The following FAM53B variants were observed in gnomAD, a reference collection of about 807,000 sequenced individuals.
The protein encoded by FAM53B is protein FAM53B.
A neutral mutation model predicts 32.7 loss-of-function variants in FAM53B; 12 were observed. The observed-to-expected ratio is 0.37, with a 90% CI of 0.24 to 0.59. FAM53B has a LOEUF of 0.59. Ranked by LOEUF, FAM53B falls within the 20% of genes least tolerant of loss-of-function variation. The pLI is 0.72. For synonymous variants in FAM53B, 234 were observed against 228.7 expected (o/e 1.02, Z -0.21); for missense variants, 477 against 577.7 (o/e 0.83, Z 1.79).
intron 4 of FAM53B, among the ~76,000 whole-genome samples, chr10:124,636,590 G>A (rs1221920279): frequency 1.3e-4 from 18 of 134,304 alleles, no homozygotes; most frequent in African/African-American, 4.6e-4. Flanking sequence ...CCCCCTGCCC[G>A]CCCACCCTGG....
chr10:124,690,351 G>C (rs1330175393), intron 3 of FAM53B, among the ~76,000 whole-genome samples: 2 of 152,194 alleles, frequency 1.3e-5, no homozygotes, highest in African/African-American at 4.8e-5. Flanking sequence ...CTCCCCCATG[G>C]ACACACATCC....
chr10:124,637,830 G>A (rs951188411), intron 4 of FAM53B, among the ~76,000 whole-genome samples: 3 of 152,158 alleles, frequency 2.0e-5, no homozygotes, highest in African/African-American at 7.2e-5. Context: ...GACTCTTCCT[G>A]CCATTGCATA....
chr10:124,648,361 A>G (rs1375418294), intron 4 of FAM53B, among the ~76,000 whole-genome samples: 1 of 152,236 alleles, frequency 6.6e-6, no homozygotes, highest in African/African-American at 2.4e-5. Flanking sequence ...ACGAGCCTGC[A>G]GTCTCCATGG....
At chr10:124,649,740 C>T (rs949155408) in intron 4 of FAM53B, among the ~76,000 whole-genome samples, 2 of 152,210 alleles carry the variant, frequency 1.3e-5, no homozygotes, top group African/African-American at 4.8e-5. Context: ...CTCCCTCACA[C>T]ACTGGGAAGT....
intron 3 of FAM53B, among the ~76,000 whole-genome samples, chr10:124,685,196 C>A (rs1449771149): frequency 6.6e-6 from 1 of 152,142 alleles, no homozygotes; most frequent in Non-Finnish European, 1.5e-5. Context: ...AGAAATAAAC[C>A]GAAATGTTAA....
At chr10:124,634,164 A>G (rs1013443505) in intron 4 of FAM53B, among the ~76,000 whole-genome samples, 3 of 152,260 alleles carry the variant, frequency 2.0e-5, no homozygotes, top group Non-Finnish European at 4.4e-5. Context: ...ATGTCTATCA[A>G]CTGGTGAATG....
chr10:124,728,894 C>A (rs1950123935), intron 1 of FAM53B, among the ~76,000 whole-genome samples: 1 of 152,192 alleles, frequency 6.6e-6, no homozygotes, highest in Admixed American at 6.5e-5. Context: ...GGGGACAAAA[C>A]TAGGTGGTGA....
Position 124,620,360 on chromosome 10 carries a change from C to CCA in FAM53B, c.*2881_*2882insTG, listed in dbSNP as rs1044912093. The CCA allele has an allele frequency of 2.1e-5, 3 of 143,940 alleles. No individual in the cohort carries two copies. The highest frequency in any genetic ancestry group is 7.7e-5 in the African/African-American group (3 of 38,964). The allele number at this position is 143,940 out of a possible 1,614,324, so 8.9% of individuals were successfully genotyped here. A position where few individuals can be genotyped will look rare whatever the true frequency, so the allele number is the denominator to read the frequency against. The stretch of plus-strand genomic sequence containing the variant: ...TGGGGTGCATGTGGCACTAAGCCCC[C>CCA]CCCACCGCCCCGGCTTTCCTGCAGG... On this transcript the variant is annotated 3_prime_UTR_variant, in exon 5 of 5. Transcript: ENST00000337318.
intron 4 of FAM53B, among the ~76,000 whole-genome samples, chr10:124,627,428 A>G (rs115908208): frequency 3.7e-4 from 56 of 152,374 alleles, no homozygotes; most frequent in African/African-American, 1.3e-3. Context: ...CAAAATGGCT[A>G]AGTTCAAAGT....
At chr10:124,668,894 T>C (rs1241270652) in intron 4 of FAM53B, among the ~76,000 whole-genome samples, 1 of 152,240 alleles carries the variant, frequency 6.6e-6, no homozygotes, top group Non-Finnish European at 1.5e-5. Context: ...AATGCCAGGT[T>C]TTCCTGCCAC....
intron 4 of FAM53B, among the ~76,000 whole-genome samples, chr10:124,626,378 C>T (rs1056602331): frequency 4.9e-5 from 5 of 102,476 alleles, no homozygotes; most frequent in African/African-American, 1.3e-4. Flanking sequence ...GTGCTACGGT[C>T]GAAATTTGTG....
intron 3 of FAM53B, among the ~76,000 whole-genome samples, chr10:124,689,417 C>T (rs1315854436): frequency 6.6e-6 from 1 of 152,176 alleles, no homozygotes; most frequent in African/African-American, 2.4e-5. Context: ...GTGTCAGGAA[C>T]AAAAAGTCCT....
chr10:124,645,206 T>C (rs2134047053), intron 4 of FAM53B, among the ~76,000 whole-genome samples: 1 of 152,340 alleles, frequency 6.6e-6, no homozygotes, highest in Non-Finnish European at 1.5e-5. Flanking sequence ...GAGTGGGCCC[T>C]GCCATCACCG....
In FAM53B at chr10:124,651,398, G is replaced by C. The variant is rs1949554687; in HGVS notation, c.907-27794C>G. ...CATCCTCCTGAGCCTGCTCTGCTCTGTCCTCCCAGCTACACAGGACAGGCA... is the reference window on the plus strand; with the variant it reads ...CATCCTCCTGAGCCTGCTCTGCTCTCTCCTCCCAGCTACACAGGACAGGCA... On this transcript the variant is annotated intron_variant, in intron 4 of 4. Coordinates refer to ENST00000337318, the MANE Select transcript of FAM53B (RefSeq NM_014661.4). The surrounding 1 kb of genome is among the most constrained non-coding windows in gnomAD (Gnocchi z 5.2). Among the ~76,000 whole-genome samples the C allele has an allele frequency of 1.3e-5, 2 of 152,214 alleles. No homozygotes were observed. Among genetic ancestry groups the C allele is most frequent in the African/African-American group, 4.8e-5 (2 of 41,444 alleles).
rs561172074 is a variant in FAM53B at position 124,730,017 on chromosome 10, T to C, written c.-175+13996A>G. Among the ~76,000 whole-genome samples the C allele has an allele frequency of 5.3e-5, 8 of 152,346 alleles. No homozygotes were observed. The South Asian group carries it at 1.4e-3, about 28-fold the overall frequency. ...CAACACACGGCATCAGTGTTGGCAG[T>C]GGACAGCATTTTAAGGAGTAAGTCA... On this transcript the variant is annotated intron_variant, in intron 1 of 4. Transcript: ENST00000337318.
At chr10:124,689,976 G>A (rs897331845) in intron 3 of FAM53B, among the ~76,000 whole-genome samples, 1 of 152,192 alleles carries the variant, frequency 6.6e-6, no homozygotes, top group Admixed American at 6.5e-5. Context: ...ATTTGCACTG[G>A]CAACAAGAAC....
At chr10:124,696,350 G>T (rs1490291788) in intron 2 of FAM53B, 138 bp from the exon 3 acceptor site, 3 of 774,228 alleles carry the variant, frequency 3.9e-6, no homozygotes, top group Admixed American at 2.3e-5. Context: ...GGAGGAAAAG[G>T]TATTCAAAGA....
intron 4 of FAM53B, among the ~76,000 whole-genome samples, chr10:124,661,064 A>G (rs1045740001): frequency 6.6e-6 from 1 of 151,708 alleles, no homozygotes; most frequent in African/African-American, 2.4e-5. Flanking sequence ...ATTAAAAAAA[A>G]AAAAAAAAAA....
At chr10:124,649,946 C>T (rs1435055322) in intron 4 of FAM53B, among the ~76,000 whole-genome samples, 2 of 152,116 alleles carry the variant, frequency 1.3e-5, no homozygotes, top group African/African-American at 4.8e-5. Flanking sequence ...AAGAACTCTG[C>T]GGCCCAGGGC....
Sources: gnomAD v4.1 joint callset for allele counts (sites outside exome capture counted in the v4.1 genomes callset) on GRCh38, gnomAD v4.1.1 for gene constraint, Gnocchi (gnomAD v3.1) non-coding constraint, MANE v1.5 for transcripts, NCBI Gene and HGNC (gene_info 2026-07-23, HGNC 2026-07-21) for gene names.